The following LRRC8E variants were observed in gnomAD, a reference collection of about 807,000 sequenced individuals.
The protein encoded by LRRC8E is leucine rich repeat containing 8 VRAC subunit E.
Under a neutral mutation model 6.1 loss-of-function variants are expected in LRRC8E, and 6 were observed. The ratio of observed to expected loss-of-function variants is 0.98; its 90% CI spans 0.54 to 1.93. The LOEUF is 1.93. LRRC8E is among the 30% of genes most tolerant of loss of function. The probability of loss-of-function intolerance (pLI) is 0.01; values close to 1 mark genes in which losing one functional copy is unlikely to be tolerated. For missense variants in LRRC8E, 1,028 were observed against 1,031.4 expected, an observed-to-expected ratio of 1.00 and a Z score of 0.04; for synonymous variants, 485 against 472.8, an observed-to-expected ratio of 1.03 and a Z score of -0.33.
intron 1 of LRRC8E, among the ~76,000 whole-genome samples, chr19:7,891,602 T>TTTTTG (rs554129996): frequency 7.3e-5 from 11 of 151,560 alleles, no homozygotes; most frequent in African/African-American, 2.4e-4. Flanking sequence ...GAGTCAGGAG[T>TTTTTG]TTTTGTTTTG....
In LRRC8E at chr19:7,895,684, G is replaced by A. The variant is rs532036770; in HGVS notation, c.81G>A (p.Leu27=). The A allele has an allele frequency of 3.7e-5, 59 of 1,614,108 alleles. No homozygotes were observed. In the Admixed American group the frequency reaches 6.7e-4, roughly 18 times the overall value. Residue 27 remains leucine, a synonymous_variant, in exon 2 of 3, where the codon CTG becomes CTA. Coordinates refer to ENST00000306708, the MANE Select transcript of LRRC8E (RefSeq NM_025061.6). The surrounding 1 kb of genome is among the most constrained non-coding windows in gnomAD (Gnocchi z 4.7). The part of the protein sequence containing the change: ...FKVLKPWWDV[L]AEYLTVAMLM... ...TGCTCAAACCCTGGTGGGACGTGCT[G>A]GCCGAGTACCTCACCGTGGCCATGC...
At chr19:7,891,451 G>A (rs914126169) in intron 1 of LRRC8E, among the ~76,000 whole-genome samples, 2 of 152,062 alleles carry the variant, frequency 1.3e-5, no homozygotes, top group Non-Finnish European at 2.9e-5. Flanking sequence ...TCTTGTCTGC[G>A]ATTGTGCACC....
Position 7,895,464 on chromosome 19 carries a change from C to T in LRRC8E, c.-5-135C>T. On this transcript the variant is annotated intron_variant, in intron 1 of 2. Transcript: ENST00000306708. This position sits in a 1 kb window ranked among gnomAD's most constrained non-coding sequence, Gnocchi z 4.7. The stretch of plus-strand genomic sequence containing the variant: ...AGGCTAAGAGGGAAGTGGGGGCACA[C>T]ACTTTGGTGGTTTGGACAAGTTTGG... 1 of 1,071,660 alleles carries T rather than the reference C, an allele frequency of 9.3e-7. No homozygotes were observed. Among genetic ancestry groups the T allele is most frequent in the South Asian group, 1.5e-5 (1 of 67,744 alleles). 66.4% of individuals were successfully genotyped at this position (1,071,660 alleles called of 1,614,324 possible).
At chr19:7,889,778 T>C (rs1461611424) in intron 1 of LRRC8E, among the ~76,000 whole-genome samples, 1 of 146,604 alleles carries the variant, frequency 6.8e-6, no homozygotes, top group Non-Finnish European at 1.5e-5. Context: ...CAAGATAGAG[T>C]CTTGCTCTGT....
chr19:7,891,227 G>A (rs576620574), intron 1 of LRRC8E, among the ~76,000 whole-genome samples: 11 of 152,312 alleles, frequency 7.2e-5, no homozygotes, highest in South Asian at 2.1e-4. Context: ...AAAGCTGAGC[G>A]TATACGTCCC....
At position 7,899,457 on chromosome 19, in the gene LRRC8E, T is replaced by C. The variant is rs2145112936; in HGVS notation, c.935T>C (p.Leu312Pro). Reference sequence around the variant, plus strand: ...ACCAAGGCCCACCTCTTCTCCAAGCTGGCCTTCTGTTACATCTCCTTTGTG... The same window carrying C: ...ACCAAGGCCCACCTCTTCTCCAAGCCGGCCTTCTGTTACATCTCCTTTGTG... ...NHTKAHLFSK[L>P]AFCYISFVCI... Residue 312 changes from leucine (L) to proline (P), a missense_variant, in exon 3 of 3, where the codon CTG (leucine) becomes CCG (proline). Leu to Pro is a moderately conservative substitution (Grantham distance 98). Transcript: ENST00000306708. 5 of 1,614,180 alleles carry C rather than the reference T, an allele frequency of 3.1e-6. No homozygotes were observed. The highest frequency in any genetic ancestry group is 1.6e-4 in the Middle Eastern group (1 of 6,062).
Position 7,895,520 on chromosome 19 carries a change from G to C in LRRC8E, c.-5-79G>C. 3.2e-6 allele frequency: 5 copies of C among 1,549,258 alleles called. No individual in the cohort carries two copies. Among genetic ancestry groups the C allele is most frequent in the Non-Finnish European group, 4.4e-6 (5 of 1,132,594 alleles). Reference sequence around the variant, plus strand: ...GAGGGTCACAGGCCTGCCTGTGTCCGGCTCCTCGGAGGACCCCCTGCAGAG... The same window carrying C: ...GAGGGTCACAGGCCTGCCTGTGTCCCGCTCCTCGGAGGACCCCCTGCAGAG... On this transcript the variant is annotated intron_variant, in intron 1 of 2. Transcript: ENST00000306708. This position sits in a 1 kb window ranked among gnomAD's most constrained non-coding sequence, Gnocchi z 4.7.
intron 2 of LRRC8E, 88 bp from the exon 3 acceptor site, chr19:7,898,560 CGTTGGCCAGGCTG>C (rs1599608358): frequency 9.8e-7 from 1 of 1,019,470 alleles, no homozygotes; most frequent in East Asian, 2.4e-5. Flanking sequence ...GGTTTCACCA[CGTTGGCCAGGCTG>C]GTCTCGAACT....
chr19:7,890,518 G>A (rs964438420), intron 1 of LRRC8E, among the ~76,000 whole-genome samples: 2 of 151,844 alleles, frequency 1.3e-5, no homozygotes, highest in Admixed American at 6.6e-5. Context: ...AGCCGGGCAC[G>A]GTGGCGCACG....
rs759251723 is a variant in LRRC8E, at chr19:7,900,383, G to A, written c.1861G>A (p.Glu621Lys). ...CAAGGACAACCACCTGCGCTCCATCGAGGAAATCCTCAGCTTCCAGCACTG... is the reference window on the plus strand; with the variant it reads ...CAAGGACAACCACCTGCGCTCCATCAAGGAAATCCTCAGCTTCCAGCACTG... Reference protein sequence around the residue: ...DLKDNHLRSIEEILSFQHCRK... With the variant: ...DLKDNHLRSIKEILSFQHCRK... Residue 621 changes from glutamate to lysine, a missense_variant, in exon 3 of 3, where the codon GAG becomes AAG. Transcript: ENST00000306708. This position sits in a 1 kb window ranked among gnomAD's most constrained non-coding sequence, Gnocchi z 5.0. The A allele has an allele frequency of 1.5e-5, 24 of 1,612,752 alleles. No homozygotes were observed. Among genetic ancestry groups the A allele is most frequent in the Admixed American group, 1.0e-4 (6 of 59,974 alleles).
Position 7,900,680 on chromosome 19 carries a change from T to G in LRRC8E, c.2158T>G (p.Phe720Val), listed in dbSNP as rs750974331. ...GGAGGCCCTGCCCGAAGAGCTCTTC[T>G]TCTGCCGCAAGCTGCGGACGTTGCT... ...ALEALPEELF[F>V]CRKLRTLLLG... Residue 720 changes from phenylalanine (F) to valine (V), a missense_variant, in exon 3 of 3, where the codon TTC becomes GTC. By Grantham distance (50) the Phe-to-Val change is conservative. Transcript: ENST00000306708. This position sits in a 1 kb window ranked among gnomAD's most constrained non-coding sequence, Gnocchi z 5.0. 2.5e-6 allele frequency: 4 copies of G among 1,613,304 alleles called. No homozygotes were observed. Among genetic ancestry groups the G allele is most frequent in the Non-Finnish European group, 3.4e-6 (4 of 1,180,038 alleles).
At position 7,900,071 on chromosome 19, in the gene LRRC8E, C is replaced by T. The variant is rs543764327; in HGVS notation, c.1549C>T (p.Leu517Phe). ...CTTGGAGGAGCTGCACCTGGAGGGG[C>T]TTTTCCCCCAGGAGCTAGCTCGGGC... ...RGLEELHLEGLFPQELARAAT... is the reference protein window; with the variant it reads ...RGLEELHLEGFFPQELARAAT... The change falls in exon 3 of 3, where the codon CTT (leucine) becomes TTT (phenylalanine). Residue 517 changes from leucine (L) to phenylalanine (F), a missense_variant. Leu to Phe is a conservative substitution (Grantham distance 22). Transcript: ENST00000306708. This position sits in a 1 kb window ranked among gnomAD's most constrained non-coding sequence, Gnocchi z 5.0. 6.2e-7 allele frequency: 1 copy of T among 1,611,878 alleles called. No individual in the cohort carries two copies.
intron 1 of LRRC8E, among the ~76,000 whole-genome samples, chr19:7,888,967 G>A (rs1340945372): frequency 1.3e-5 from 2 of 152,130 alleles, no homozygotes; most frequent in Admixed American, 1.3e-4. Flanking sequence ...CTACCACTTG[G>A]GGTGGGTTCA....
Position 7,900,215 on chromosome 19 carries a change from C to G in LRRC8E, c.1693C>G (p.Leu565Val). 6.2e-7 allele frequency: 1 copy of G among 1,613,182 alleles called. No individual in the cohort carries two copies. The highest frequency in any genetic ancestry group is 8.5e-7 in the Non-Finnish European group (1 of 1,179,956). Reference protein sequence around the residue: ...DVAGHLQRLSLHNDGARLVAL... With the variant: ...DVAGHLQRLSVHNDGARLVAL... ...TGCTGGCCACCTGCAGAGGCTCAGC[C>G]TGCACAACGATGGGGCCCGTCTGGT... Residue 565 changes from leucine (L) to valine (V), a missense_variant, in exon 3 of 3, where the codon CTG becomes GTG. Coordinates refer to ENST00000306708, the MANE Select transcript of LRRC8E (RefSeq NM_025061.6). The surrounding 1 kb of genome is among the most constrained non-coding windows in gnomAD (Gnocchi z 5.0).
intron 2 of LRRC8E, among the ~76,000 whole-genome samples, chr19:7,898,079 G>C (rs1031382891): frequency 6.6e-6 from 1 of 151,952 alleles, no homozygotes; most frequent in African/African-American, 2.4e-5. Context: ...GCGTGGTAGT[G>C]CGTGCTTGTA....
Position 7,899,827 on chromosome 19 carries a change from G to C in LRRC8E, c.1305G>C (p.Glu435Asp), listed in dbSNP as rs1981855497. 2 of 1,606,644 alleles carry C rather than the reference G, an allele frequency of 1.2e-6. No individual in the cohort carries two copies. Among genetic ancestry groups the C allele is most frequent in the Non-Finnish European group, 1.7e-6 (2 of 1,179,960 alleles). The change falls in exon 3 of 3, where the codon GAG becomes GAC. Residue 435 changes from glutamate (E) to aspartate (D), a missense_variant. Transcript: ENST00000306708. ...MLPGLPDTVF[E>D]LSEVESLRLE... Reference sequence around the variant, plus strand: ...CGGGTCTGCCCGACACCGTCTTTGAGCTCAGTGAGGTGGAGTCACTCAGGC... The same window carrying C: ...CGGGTCTGCCCGACACCGTCTTTGACCTCAGTGAGGTGGAGTCACTCAGGC...
intron 1 of LRRC8E, among the ~76,000 whole-genome samples, chr19:7,893,324 A>G (rs1981411815): frequency 6.6e-6 from 1 of 151,986 alleles, no homozygotes; most frequent in Admixed American, 6.6e-5. Flanking sequence ...TATTTTTAAT[A>G]GAGACGGAGT....
At chr19:7,892,325 G>A (rs772507611) in intron 1 of LRRC8E, among the ~76,000 whole-genome samples, 4 of 151,832 alleles carry the variant, frequency 2.6e-5, no homozygotes, top group Non-Finnish European at 5.9e-5. Flanking sequence ...ACCCACCTCG[G>A]CCTCCCAAAG....
rs778838887 is a variant in LRRC8E at position 7,895,747 on chromosome 19, G to A, written c.138+6G>A. The A allele has an allele frequency of 5.6e-6, 9 of 1,611,576 alleles. No homozygotes were observed. The South Asian group carries it at 9.9e-5, about 18-fold the overall frequency. The stretch of plus-strand genomic sequence containing the variant: ...TCTTTGGCTGCACCCTCCAGGTGAG[G>A]CCCTCCCCTGGCAAGGGGGTGTGAC... On this transcript the variant is annotated splice_donor_region_variant and intron_variant, in intron 2 of 2. Transcript: ENST00000306708. This position sits in a 1 kb window ranked among gnomAD's most constrained non-coding sequence, Gnocchi z 4.7.
Sources: gnomAD v4.1 joint callset for allele counts (sites outside exome capture counted in the v4.1 genomes callset) on GRCh38, gnomAD v4.1.1 for gene constraint, Gnocchi (gnomAD v3.1) non-coding constraint, MANE v1.5 for transcripts, NCBI Gene and HGNC (gene_info 2026-07-23, HGNC 2026-07-21) for gene names.